The following ZC3H4 variants were observed in gnomAD, a reference collection of about 807,000 sequenced individuals.
ZC3H4 encodes zinc finger CCCH domain-containing protein 4.
A neutral mutation model predicts 108.3 loss-of-function variants in ZC3H4; 13 were observed. The ratio of observed to expected loss-of-function variants is 0.12; its 90% CI spans 0.08 to 0.19. ZC3H4 has a LOEUF of 0.19. ZC3H4 is among the 10% of genes least tolerant of loss of function. The pLI is 1.00. For synonymous variants in ZC3H4, 917 were observed against 749.6 expected (o/e 1.22, Z -3.65); for missense variants, 1,734 against 1,838.8 (o/e 0.94, Z 1.04).
At chr19:47,095,990 C>T (rs1430053577) in intron 2 of ZC3H4, among the ~76,000 whole-genome samples, 1 of 152,192 alleles carries the variant, frequency 6.6e-6, no homozygotes. Context: ...ATTAGGCGTG[C>T]TTGCCTGAAG....
intron 2 of ZC3H4, among the ~76,000 whole-genome samples, chr19:47,096,119 G>A (rs753981056): frequency 1.3e-5 from 2 of 152,174 alleles, no homozygotes; most frequent in African/African-American, 2.4e-5. Context: ...CTCAAGAGCA[G>A]CTTTTTCTAT....
At chr19:47,094,332 G>A in intron 3 of ZC3H4, 57 bp downstream of exon 3, 4 of 1,594,146 alleles carry the variant, frequency 2.5e-6, no homozygotes, top group African/African-American at 1.3e-5. Context: ...CAGCCCCTGG[G>A]GCTCTCAGCC....
intron 11 of ZC3H4, among the ~76,000 whole-genome samples, chr19:47,076,985 T>G (rs940030735): frequency 5.9e-5 from 9 of 151,264 alleles, no homozygotes; most frequent in African/African-American, 1.9e-4. Flanking sequence ...AGAGCAAGAC[T>G]CCGTCTCAAA....
In ZC3H4 at chr19:47,066,347, G is replaced by A; in HGVS notation, c.*9C>T. The A allele has an allele frequency of 1.3e-6, 2 of 1,520,988 alleles. No individual in the cohort carries two copies. The highest frequency in any genetic ancestry group is 1.8e-6 in the Non-Finnish European group (2 of 1,134,638). The allele number at this position is 1,520,988 out of a possible 1,614,324, so 94.2% of individuals were successfully genotyped here. ...GAAGGGTGGCTGGAGCCGCAGCTCT[G>A]GCTGGACACTACTGGCAAAAGGGGG... On this transcript the variant is annotated 3_prime_UTR_variant, in exon 15 of 15. Transcript: ENST00000253048.
intron 6 of ZC3H4, among the ~76,000 whole-genome samples, 194 bp downstream of exon 6, chr19:47,086,190 C>T (rs1025416096): frequency 2.6e-5 from 4 of 152,176 alleles, no homozygotes; most frequent in Admixed American, 6.5e-5. Flanking sequence ...CTTTAAACCA[C>T]GTGAAGGTTT....
intron 9 of ZC3H4, among the ~76,000 whole-genome samples, chr19:47,082,545 T>C (rs913845924): frequency 6.6e-6 from 1 of 152,070 alleles, no homozygotes; most frequent in Non-Finnish European, 1.5e-5. Flanking sequence ...ACTCCTGGGT[T>C]CAAGTGATCC....
intron 6 of ZC3H4, among the ~76,000 whole-genome samples, 177 bp from the exon 7 acceptor site, chr19:47,085,591 T>C (rs1372685046): frequency 1.3e-5 from 2 of 152,126 alleles, no homozygotes. Context: ...CAGTCTTCAC[T>C]GTGAAGACCT....
intron 2 of ZC3H4, chr19:47,112,218 G>C: frequency 8.4e-7 from 1 of 1,193,810 alleles, no homozygotes; most frequent in Non-Finnish European, 1.0e-6. Context: ...CCGCGAGGGG[G>C]GGGAAACGCA....
intron 4 of ZC3H4, among the ~76,000 whole-genome samples, chr19:47,090,409 G>A (rs1231440577): frequency 1.3e-5 from 2 of 152,176 alleles, no homozygotes; most frequent in Non-Finnish European, 2.9e-5. Flanking sequence ...TAAAGGGCCA[G>A]AACTAGAAAG....
In ZC3H4 at chr19:47,072,698, C is replaced by T; in HGVS notation, c.1456G>A (p.Ala486Thr). Residue 486 changes from alanine (A) to threonine (T), a missense_variant, in exon 12 of 15, where the codon GCA becomes ACA. By Grantham distance (58) the Ala-to-Thr change is moderately conservative. This residue lies in a region of ZC3H4 where 66 missense variants were observed against 166.8 expected (regional missense o/e 0.40). Transcript: ENST00000253048. The surrounding 1 kb of genome is among the most constrained non-coding windows in gnomAD (Gnocchi z 5.6). The part of the protein sequence containing the change: ...ELLDKMLADD[A>T]EAGAEDEKEV... Reference sequence around the variant, plus strand: ...TTCTCATCCTCGGCACCTGCTTCTGCATCATCGGCCAACATCTGCGGGTGT... The same window carrying T: ...TTCTCATCCTCGGCACCTGCTTCTGTATCATCGGCCAACATCTGCGGGTGT... 6.2e-7 allele frequency: 1 copy of T among 1,613,760 alleles called. No homozygotes were observed. Among genetic ancestry groups the T allele is most frequent in the Non-Finnish European group, 8.5e-7 (1 of 1,180,004 alleles).
At chr19:47,108,380 T>C (rs1410927122) in intron 2 of ZC3H4, among the ~76,000 whole-genome samples, 1 of 152,204 alleles carries the variant, frequency 6.6e-6, no homozygotes, top group Non-Finnish European at 1.5e-5. Context: ...CAGAGGTATT[T>C]ACTGTAACTG....
At chr19:47,070,704 T>C (rs914842133) in intron 13 of ZC3H4, among the ~76,000 whole-genome samples, 1 of 152,140 alleles carries the variant, frequency 6.6e-6, no homozygotes, top group Non-Finnish European at 1.5e-5. Flanking sequence ...CACGTTCACA[T>C]TTTGATCTCT....
chr19:47,067,974 C>G lies in ZC3H4; in HGVS notation c.2399-105G>C. 1 of 1,114,462 alleles carries G rather than the reference C, an allele frequency of 9.0e-7. No individual in the cohort carries two copies. The highest frequency in any genetic ancestry group is 1.5e-5 in the African/African-American group (1 of 64,696). 69.0% of individuals were successfully genotyped at this position (1,114,462 alleles called of 1,614,324 possible). The stretch of plus-strand genomic sequence containing the variant: ...GTGAGCAGCTCCTTTGCTTGTGCCT[C>G]TCAGAACCTCAGGTCCTCCTCTCTA... On this transcript the variant is annotated intron_variant, in intron 14 of 14. Coordinates refer to ENST00000253048, the MANE Select transcript of ZC3H4 (RefSeq NM_015168.2). This position sits in a 1 kb window ranked among gnomAD's most constrained non-coding sequence, Gnocchi z 6.4.
At position 47,082,853 on chromosome 19, in the gene ZC3H4, T is replaced by C. The variant is rs142721237; in HGVS notation, c.1219-558A>G. Among the ~76,000 whole-genome samples, 74 of 152,304 alleles carry C rather than the reference T, an allele frequency of 4.9e-4. 1 individual carries two copies. In the East Asian group the frequency reaches 0.013, roughly 26 times the overall value. The stretch of plus-strand genomic sequence containing the variant: ...TTCTGAGAGACAAATGTCTATGTGT[T>C]GAAGCCAATTTTGTTAAGTTTTCCT... On this transcript the variant is annotated intron_variant, in intron 9 of 14. Transcript: ENST00000253048.
intron 14 of ZC3H4, among the ~76,000 whole-genome samples, chr19:47,068,603 G>A (rs1568529351): frequency 6.6e-6 from 1 of 152,054 alleles, no homozygotes; most frequent in Non-Finnish European, 1.5e-5. Context: ...GTGGCCTCTG[G>A]CTTCAGGATC....
At chr19:47,113,120 G>T (rs55731973) in intron 1 of ZC3H4, among the ~76,000 whole-genome samples, 79,492 of 152,236 alleles carry the variant, frequency 0.52, 24,467 homozygotes, top group Non-Finnish European at 0.71. Context: ...ACAAAATGGC[G>T]GCTCGGCCCG....
chr19:47,090,614 T>C (rs1464289714), intron 4 of ZC3H4, among the ~76,000 whole-genome samples: 1 of 152,194 alleles, frequency 6.6e-6, no homozygotes, highest in African/African-American at 2.4e-5. Flanking sequence ...TCTCAAATGA[T>C]GCTTTCCAAA....
At chr19:47,107,597 G>A (rs1461509692) in intron 2 of ZC3H4, among the ~76,000 whole-genome samples, 1 of 150,536 alleles carries the variant, frequency 6.6e-6, no homozygotes, top group African/African-American at 2.5e-5. Flanking sequence ...CCTTTATGCA[G>A]ACCAGTTTGG....
At chr19:47,097,982 G>A (rs2057849857) in intron 2 of ZC3H4, among the ~76,000 whole-genome samples, 1 of 152,218 alleles carries the variant, frequency 6.6e-6, no homozygotes, top group Non-Finnish European at 1.5e-5. Flanking sequence ...CCCCCATGAG[G>A]AAATGGGAAG....
Sources: gnomAD v4.1 joint callset for allele counts (sites outside exome capture counted in the v4.1 genomes callset) on GRCh38, gnomAD v4.1.1 for gene constraint, gnomAD v4.1.1 regional missense constraint, Gnocchi (gnomAD v3.1) non-coding constraint, MANE v1.5 for transcripts, NCBI Gene and HGNC (gene_info 2026-07-23, HGNC 2026-07-21) for gene names.